The following KCNH5 variants were observed in gnomAD, a reference collection of about 807,000 sequenced individuals.
The protein encoded by KCNH5 is voltage-gated delayed rectifier potassium channel KCNH5.
KCNH5 carries 46 observed loss-of-function variants against 96.1 expected under a neutral mutation model. The ratio of observed to expected loss-of-function variants is 0.48; its 90% CI spans 0.38 to 0.61. The LOEUF is 0.61. KCNH5 is among the 20% of genes least tolerant of loss of function. The pLI is 0.00. For synonymous variants in KCNH5, 439 were observed against 449.8 expected (o/e 0.98, Z 0.30); for missense variants, 907 against 1,225.8 (o/e 0.74, Z 3.88).
intron 10 of KCNH5, among the ~76,000 whole-genome samples, chr14:62,727,773 G>A (rs554868941): frequency 7.1e-6 from 1 of 140,442 alleles, no homozygotes; most frequent in Admixed American, 7.1e-5. Context: ...CTTACAGTCT[G>A]GTAAAAAAAA....
chr14:62,977,488 GA>G (rs1448914904), intron 6 of KCNH5, among the ~76,000 whole-genome samples: 24 of 152,066 alleles, frequency 1.6e-4, no homozygotes, highest in African/African-American at 5.8e-4. Flanking sequence ...GTAGAAAGGG[GA>G]GCTAAAATCT....
chr14:62,788,670 C>T (rs1388345497), intron 9 of KCNH5, among the ~76,000 whole-genome samples: 1 of 152,100 alleles, frequency 6.6e-6, no homozygotes, highest in Non-Finnish European at 1.5e-5. Context: ...CTATTCCACC[C>T]TTCAGCAACC....
chr14:63,038,900 T>C (rs1056008507), intron 1 of KCNH5, among the ~76,000 whole-genome samples: 1 of 152,156 alleles, frequency 6.6e-6, no homozygotes, highest in East Asian at 1.9e-4. Context: ...TAGTGGAAAA[T>C]GCTGAGGATT....
intron 7 of KCNH5, among the ~76,000 whole-genome samples, chr14:62,907,244 C>T (rs1889047643): frequency 6.6e-6 from 1 of 152,132 alleles, no homozygotes; most frequent in African/African-American, 2.4e-5. Flanking sequence ...GACAAAGATC[C>T]TGTTTCTCAT....
chr14:62,831,129 G>A lies in KCNH5; in HGVS notation c.1569+18524C>T, dbSNP rs1887339629. On this transcript the variant is annotated intron_variant, in intron 8 of 10. Transcript: ENST00000322893. ...CATTTAGGACAGGATTCTTTTTTCT[G>A]CTAGTGAACCCTGGTGGCTATTTGT... Among the ~76,000 whole-genome samples, 3 of 152,184 alleles carry A rather than the reference G, an allele frequency of 2.0e-5. No homozygotes were observed. The South Asian group carries it at 6.2e-4, about 32-fold the overall frequency.
intron 10 of KCNH5, among the ~76,000 whole-genome samples, chr14:62,758,130 C>T (rs148450975): frequency 0.034 from 4,759 of 141,218 alleles, 150 homozygotes; most frequent in South Asian, 0.093. Context: ...GGTGACAGAG[C>T]GAGACTCCAT....
intron 9 of KCNH5, among the ~76,000 whole-genome samples, chr14:62,781,507 C>T (rs1325591380): frequency 6.6e-6 from 1 of 152,168 alleles, no homozygotes; most frequent in East Asian, 1.9e-4. Context: ...TATTTCACCT[C>T]TGCAGTCTCG....
intron 9 of KCNH5, among the ~76,000 whole-genome samples, chr14:62,788,379 TGAG>T (rs1886363409): frequency 2.6e-5 from 4 of 152,174 alleles, no homozygotes; most frequent in Non-Finnish European, 4.4e-5. Context: ...TACTTACGGA[TGAG>T]CAAAGAAAGT....
At chr14:62,824,818 C>T (rs1028366682) in intron 8 of KCNH5, among the ~76,000 whole-genome samples, 1 of 151,934 alleles carries the variant, frequency 6.6e-6, no homozygotes, top group South Asian at 2.1e-4. Context: ...GCCATCTTTA[C>T]GTCCATGAGT....
chr14:62,825,096 G>A (rs1159132141), intron 8 of KCNH5, among the ~76,000 whole-genome samples: 2 of 152,036 alleles, frequency 1.3e-5, no homozygotes, highest in South Asian at 2.1e-4. Flanking sequence ...TCAGTAGAAC[G>A]ATTTGTTTTC....
chr14:62,970,186 G>A (rs1455227857), intron 6 of KCNH5, among the ~76,000 whole-genome samples: 1 of 151,440 alleles, frequency 6.6e-6, no homozygotes, highest in Admixed American at 6.6e-5. Context: ...ATACTAAAGG[G>A]ATAATTAAGA....
chr14:62,730,314 C>T (rs1009030567), intron 10 of KCNH5, among the ~76,000 whole-genome samples: 5 of 152,092 alleles, frequency 3.3e-5, no homozygotes, highest in African/African-American at 1.2e-4. Context: ...CCTTATTTTA[C>T]TAAAGCCAAA....
intron 7 of KCNH5, among the ~76,000 whole-genome samples, chr14:62,909,548 C>A (rs891238049): frequency 6.6e-6 from 1 of 152,194 alleles, no homozygotes; most frequent in South Asian, 2.1e-4. Flanking sequence ...TCCTCTCACA[C>A]CTTGTATGCA....
intron 4 of KCNH5, among the ~76,000 whole-genome samples, chr14:62,994,427 T>C (rs1890869410): frequency 6.6e-6 from 1 of 152,026 alleles, no homozygotes; most frequent in African/African-American, 2.4e-5. Context: ...TTAGAACACA[T>C]ATGGATAACT....
At chr14:62,735,865 G>A (rs1885145062) in intron 10 of KCNH5, among the ~76,000 whole-genome samples, 1 of 152,204 alleles carries the variant, frequency 6.6e-6, no homozygotes, top group Non-Finnish European at 1.5e-5. Flanking sequence ...TAGGAACAGT[G>A]GGAAGATGAC....
At position 62,707,637 on chromosome 14, in the gene KCNH5, G is replaced by T; in HGVS notation, c.2838C>A (p.Ser946Arg). ...AEILKILSEK[S>R]VPQASSPKSQ... ...ATTTGGGAGATGAGGCCTGGGGTAC[G>T]CTTTTTTCCGACAGTATTTTTAAAA... Residue 946 changes from serine (S) to arginine (R), a missense_variant, in exon 11 of 11, where the codon AGC becomes AGA. Ser to Arg is a moderately radical substitution (Grantham distance 110, BLOSUM62 -1). Around this residue, in one of 6 missense-constraint regions of KCNH5, gnomAD observed 362 missense variants for 394.4 expected, o/e 0.92. Transcript: ENST00000322893. 1 of 1,581,020 alleles carries T rather than the reference G, an allele frequency of 6.3e-7. No homozygotes were observed. Among genetic ancestry groups the T allele is most frequent in the Non-Finnish European group, 8.6e-7 (1 of 1,159,540 alleles).
intron 3 of KCNH5, among the ~76,000 whole-genome samples, chr14:63,003,744 T>C (rs1182324021): frequency 2.1e-5 from 3 of 143,166 alleles, no homozygotes; most frequent in Non-Finnish European, 4.5e-5. Context: ...CTCAGACTCC[T>C]GAGTAGCTGG....
At chr14:62,823,943 G>C (rs952603743) in intron 8 of KCNH5, among the ~76,000 whole-genome samples, 1 of 151,554 alleles carries the variant, frequency 6.6e-6, no homozygotes, top group Non-Finnish European at 1.5e-5. Context: ...TTAATGATCT[G>C]CCTTGCAGCA....
intron 5 of KCNH5, among the ~76,000 whole-genome samples, chr14:62,981,625 A>G (rs935909277): frequency 1.3e-4 from 20 of 152,176 alleles, no homozygotes; most frequent in Non-Finnish European, 2.6e-4. Context: ...ACCATTATCT[A>G]TTCTTCATAC....
Sources: allele counts gnomAD v4.1 joint callset (sites outside exome capture counted in the v4.1 genomes callset), GRCh38; gene constraint gnomAD v4.1.1; regional missense constraint gnomAD v4.1.1; transcripts MANE v1.5; gene names NCBI Gene and HGNC (gene_info 2026-07-23, HGNC 2026-07-21).